The following USP6NL variants were observed in gnomAD, a reference collection of about 807,000 sequenced individuals.
USP6NL encodes USP6 N-terminal like.
USP6NL carries 26 observed loss-of-function variants against 61.9 expected under a neutral mutation model. That is an observed-to-expected ratio of 0.42 (90% CI 0.31 to 0.58). The LOEUF is 0.58. Among genes scored for constraint, USP6NL ranks in the 20% least tolerant of loss-of-function variants. USP6NL has a pLI of 0.16. For missense variants in USP6NL, 1,114 were observed against 1,034.3 expected (o/e 1.08, Z -1.06); for synonymous variants, 432 against 390.1 (o/e 1.11, Z -1.27).
In USP6NL at chr10:11,463,820, A is replaced by G. The variant is rs1192988504; in HGVS notation, c.1108T>C (p.Leu370=). ...GKEDEYPKKP[L]GQLPPELQSW... ...TGAAGTTCAGGTGGAAGCTGCCCCA[A>G]GGGCTTCTTTGGATATTCATCCTCT... Residue 370 remains leucine (L), a synonymous_variant, in exon 15 of 15, where the codon TTG becomes CTG. Coordinates refer to ENST00000609104, the MANE Select transcript of USP6NL (RefSeq NM_014688.5). This position sits in a 1 kb window ranked among gnomAD's most constrained non-coding sequence, Gnocchi z 6.3. The G allele has an allele frequency of 2.0e-6, 3 of 1,472,192 alleles. No homozygotes were observed. The highest frequency in any genetic ancestry group is 2.9e-5 in the South Asian group (2 of 69,876). The allele number at this position is 1,472,192 out of a possible 1,614,324, so 91.2% of individuals were successfully genotyped here.
rs966051884 is a variant in USP6NL, at chr10:11,591,027, G to A, written c.4+6604C>T. On this transcript the variant is annotated intron_variant, in intron 2 of 14. Coordinates refer to ENST00000609104, the MANE Select transcript of USP6NL (RefSeq NM_014688.5). The surrounding 1 kb of genome is among the most constrained non-coding windows in gnomAD (Gnocchi z 4.7). ...CAGTAAATTTTAAGAGTTAGAAGGC[G>A]TCCAGATGATCTATCTAGTGCCTAC... Among the ~76,000 whole-genome samples, 2 of 152,126 alleles carry A rather than the reference G, an allele frequency of 1.3e-5. No individual in the cohort carries two copies. The highest frequency in any genetic ancestry group is 2.4e-5 in the African/African-American group (1 of 41,428).
rs1835501631 is a variant in USP6NL at position 11,528,197 on chromosome 10, CAT to C, written c.5-632_5-631del. Reference sequence around the variant, plus strand: ...ATTAACATTAGGAGACTTTCAAAAACATAAATCTGACAACAAAAGTCGAGATC... The same window carrying C: ...ATTAACATTAGGAGACTTTCAAAAACAAATCTGACAACAAAAGTCGAGATC... On this transcript the variant is annotated intron_variant, in intron 2 of 14. Coordinates refer to ENST00000609104, the MANE Select transcript of USP6NL (RefSeq NM_014688.5). The surrounding 1 kb of genome is among the most constrained non-coding windows in gnomAD (Gnocchi z 4.6). Among the ~76,000 whole-genome samples, 1 of 150,446 alleles carries C rather than the reference CAT, an allele frequency of 6.6e-6. No individual in the cohort carries two copies. Among genetic ancestry groups the C allele is most frequent in the South Asian group, 2.1e-4 (1 of 4,756 alleles).
intron 2 of USP6NL, among the ~76,000 whole-genome samples, chr10:11,527,950 A>G (rs1293940145): frequency 6.6e-6 from 1 of 152,164 alleles, no homozygotes; most frequent in Admixed American, 6.5e-5. Flanking sequence ...AAGTAAAGGA[A>G]CTTGGATCTC....
In USP6NL at chr10:11,463,539, T is replaced by A. The variant is rs757226833; in HGVS notation, c.1389A>T (p.Gln463His). ...LPSGPQDSSRQYNHAAANQNS... is the reference protein window; with the variant it reads ...LPSGPQDSSRHYNHAAANQNS... The stretch of plus-strand genomic sequence containing the variant: ...TTTGGTTGGCAGCTGCGTGATTATA[T>A]TGCCTGGAACTGTCCTGTGGACCCG... The change falls in exon 15 of 15, where the codon CAA becomes CAT. Residue 463 changes from glutamine to histidine, a missense_variant. By Grantham distance (24) the Gln-to-His change is conservative. Coordinates refer to ENST00000609104, the MANE Select transcript of USP6NL (RefSeq NM_014688.5). The surrounding 1 kb of genome is among the most constrained non-coding windows in gnomAD (Gnocchi z 6.3). 2 of 1,613,946 alleles carry A rather than the reference T, an allele frequency of 1.2e-6. No individual in the cohort carries two copies. Among genetic ancestry groups the A allele is most frequent in the Non-Finnish European group, 1.7e-6 (2 of 1,179,904 alleles).
chr10:11,484,893 G>A (rs1833391187), intron 13 of USP6NL, 78 bp downstream of exon 13: 1 of 1,117,394 alleles, frequency 8.9e-7, no homozygotes, highest in African/African-American at 1.6e-5. Flanking sequence ...TGAAGTTGAA[G>A]TGGGTGGGGA....
At chr10:11,472,539 G>A (rs1037685449) in intron 14 of USP6NL, among the ~76,000 whole-genome samples, 1 of 152,176 alleles carries the variant, frequency 6.6e-6, no homozygotes, top group African/African-American at 2.4e-5. Flanking sequence ...AATCGGTGGG[G>A]GGCCACTATC....
At chr10:11,534,875 A>G (rs2133431736) in intron 2 of USP6NL, among the ~76,000 whole-genome samples, 1 of 152,310 alleles carries the variant, frequency 6.6e-6, no homozygotes, top group South Asian at 2.1e-4. Context: ...TCTAAAACTG[A>G]ACCCTGATCT....
chr10:11,593,882 A>C (rs1241478163), intron 2 of USP6NL, among the ~76,000 whole-genome samples: 1 of 152,156 alleles, frequency 6.6e-6, no homozygotes, highest in Non-Finnish European at 1.5e-5. Flanking sequence ...TACAGCTATG[A>C]CCATGTTCTA....
intron 2 of USP6NL, among the ~76,000 whole-genome samples, chr10:11,529,369 T>C (rs10905968): frequency 0.16 from 23,756 of 152,206 alleles, 2,180 homozygotes; most frequent in South Asian, 0.22. Flanking sequence ...TTTGATAATA[T>C]GTGTAAAAAA....
In USP6NL at chr10:11,553,082, A is replaced by G. The variant is rs767026193; in HGVS notation, c.5-25515T>C. On this transcript the variant is annotated intron_variant, in intron 2 of 14. Coordinates refer to ENST00000609104, the MANE Select transcript of USP6NL (RefSeq NM_014688.5). The surrounding 1 kb of genome is among the most constrained non-coding windows in gnomAD (Gnocchi z 4.8). ...TGAGAACACTGGCATCATTTTTAAC[A>G]TTTTATTTATCCTTCACCCCTCTAC... 1.3e-5 allele frequency among the ~76,000 whole-genome samples: 2 copies of G among 152,016 alleles called. No individual in the cohort carries two copies. Among genetic ancestry groups the G allele is most frequent in the African/African-American group, 2.4e-5 (1 of 41,410 alleles).
In USP6NL at chr10:11,510,025, CTCT is replaced by C. The variant is rs1186834214; in HGVS notation, c.196-353_196-351del. Among the ~76,000 whole-genome samples, 3 of 121,326 alleles carry C rather than the reference CTCT, an allele frequency of 2.5e-5. No individual in the cohort carries two copies. Among genetic ancestry groups the C allele is most frequent in the African/African-American group, 5.7e-5 (2 of 35,092 alleles). The allele number at this position is 121,326 out of a possible 152,430, so 79.6% of individuals were successfully genotyped here. A position where few individuals can be genotyped will look rare whatever the true frequency, so the allele number is the denominator to read the frequency against. On this transcript the variant is annotated intron_variant, in intron 5 of 14. Coordinates refer to ENST00000609104, the MANE Select transcript of USP6NL (RefSeq NM_014688.5). The surrounding 1 kb of genome is among the most constrained non-coding windows in gnomAD (Gnocchi z 4.8). ...AAAAACACTACTTTGAAATTTAATT[CTCT>C]TCTTTCTTATTTTACTGAATTCTAG...
chr10:11,560,527 C>A lies in USP6NL; in HGVS notation c.5-32960G>T, dbSNP rs188689147. On this transcript the variant is annotated intron_variant, in intron 2 of 14. Coordinates refer to ENST00000609104, the MANE Select transcript of USP6NL (RefSeq NM_014688.5). ...AACTCTGCCCTAAAACATGCTACCC[C>A]CCTCCTTTCCTTAGTACCGTAATAA... Among the ~76,000 whole-genome samples the A allele has an allele frequency of 3.2e-4, 48 of 151,750 alleles. No individual in the cohort carries two copies. The East Asian group carries it at 8.5e-3, about 27-fold the overall frequency.
intron 2 of USP6NL, among the ~76,000 whole-genome samples, chr10:11,569,935 G>A (rs564746944): frequency 2.6e-5 from 4 of 152,194 alleles, no homozygotes; most frequent in Admixed American, 2.0e-4. Context: ...GGGCACCTGC[G>A]TCACCTATTT....
At chr10:11,542,873 A>C (rs1168495627) in intron 2 of USP6NL, among the ~76,000 whole-genome samples, 2 of 152,146 alleles carry the variant, frequency 1.3e-5, no homozygotes, top group Non-Finnish European at 2.9e-5. Flanking sequence ...GTGGGGTAGG[A>C]AAGACAGGGC....
At chr10:11,542,165 T>C (rs1247601618) in intron 2 of USP6NL, among the ~76,000 whole-genome samples, 2 of 152,220 alleles carry the variant, frequency 1.3e-5, no homozygotes, top group Non-Finnish European at 2.9e-5. Context: ...TTAAACTTTC[T>C]AATATTCATT....
chr10:11,582,559 AAT>A (rs1338858516), intron 2 of USP6NL, among the ~76,000 whole-genome samples: 21 of 152,376 alleles, frequency 1.4e-4, no homozygotes, highest in Admixed American at 1.3e-3. Context: ...AGAGCCACAG[AAT>A]ATGTGTTTAT....
In USP6NL at chr10:11,478,508, A is replaced by G. The variant is rs1205903509; in HGVS notation, c.1078+3262T>C. ...AATCCTTAATGTCAGTGCAATCTCA[A>G]TATTAATAAAATACTGTATCTGAAT... On this transcript the variant is annotated intron_variant, in intron 14 of 14. Transcript: ENST00000609104. This position sits in a 1 kb window ranked among gnomAD's most constrained non-coding sequence, Gnocchi z 6.8. Among the ~76,000 whole-genome samples, 1 of 152,208 alleles carries G rather than the reference A, an allele frequency of 6.6e-6. No individual in the cohort carries two copies. The highest frequency in any genetic ancestry group is 1.5e-5 in the Non-Finnish European group (1 of 68,048).
intron 5 of USP6NL, among the ~76,000 whole-genome samples, chr10:11,515,396 C>T (rs929655442): frequency 6.6e-6 from 1 of 152,188 alleles, no homozygotes; most frequent in Non-Finnish European, 1.5e-5. Context: ...TTGAACATTA[C>T]TGCGTATTGT....
intron 2 of USP6NL, among the ~76,000 whole-genome samples, chr10:11,539,141 C>G (rs778057956): frequency 1.3e-5 from 2 of 152,352 alleles, no homozygotes; most frequent in Middle Eastern, 6.8e-3. Context: ...TCTCTCTCAG[C>G]CCCTGTCCCT....
Sources: gnomAD v4.1 joint callset for allele counts (sites outside exome capture counted in the v4.1 genomes callset) on GRCh38, gnomAD v4.1.1 for gene constraint, Gnocchi (gnomAD v3.1) non-coding constraint, MANE v1.5 for transcripts, NCBI Gene and HGNC (gene_info 2026-07-23, HGNC 2026-07-21) for gene names.